The following DOCK10 variants were observed in gnomAD, a reference collection of about 807,000 sequenced individuals.
DOCK10 encodes dedicator of cytokinesis protein 10.
In DOCK10, 145 loss-of-function variants were observed where a neutral mutation model predicts 280.1. The observed-to-expected ratio is 0.52, with a 90% CI of 0.45 to 0.59. DOCK10 has a LOEUF of 0.59. DOCK10 is among the 20% of genes least tolerant of loss of function. The pLI, the probability that DOCK10 is intolerant of heterozygous loss-of-function variation, is 0.00. For synonymous variants in DOCK10, 915 were observed against 942.2 expected, an observed-to-expected ratio of 0.97 and a Z score of 0.53; for missense variants, 2,368 against 2,651.7, an observed-to-expected ratio of 0.89 and a Z score of 2.35.
At chr2:224,876,474 C>A (rs1290754900) in intron 7 of DOCK10, among the ~76,000 whole-genome samples, 3 of 152,160 alleles carry the variant, frequency 2.0e-5, no homozygotes, top group African/African-American at 7.2e-5. Flanking sequence ...TTGAACATTT[C>A]ATCACGGGCA....
intron 19 of DOCK10, among the ~76,000 whole-genome samples, chr2:224,849,212 G>T (rs1696565227): frequency 6.6e-6 from 1 of 152,200 alleles, no homozygotes; most frequent in African/African-American, 2.4e-5. Flanking sequence ...CTGACCTTGT[G>T]ATCCGCCTGC....
Position 224,920,274 on chromosome 2 carries a change from A to G in DOCK10, c.244-3490T>C, listed in dbSNP as rs937296161. On this transcript the variant is annotated intron_variant, in intron 2 of 55. Coordinates refer to ENST00000258390, the MANE Select transcript of DOCK10 (RefSeq NM_014689.3). Reference sequence around the variant, plus strand: ...TTTTTTGTAGAGACAGGGTCTCACCATGTTGTCCAGGATGGTCTCCAGCTC... The same window carrying G: ...TTTTTTGTAGAGACAGGGTCTCACCGTGTTGTCCAGGATGGTCTCCAGCTC... Among the ~76,000 whole-genome samples, 59 of 141,354 alleles carry G rather than the reference A, an allele frequency of 4.2e-4. 1 individual carries two copies. Among genetic ancestry groups the G allele is most frequent in the Non-Finnish European group, 6.8e-4 (45 of 65,998 alleles). The allele number at this position is 141,354 out of a possible 152,430, so 92.7% of individuals were successfully genotyped here.
At chr2:224,800,125 G>T in intron 41 of DOCK10, 26 bp downstream of exon 41, 1 of 1,369,208 alleles carries the variant, frequency 7.3e-7, no homozygotes. Flanking sequence ...ATCATTTTTT[G>T]CAGAAAATGT....
At chr2:224,954,565 G>C (rs987145648) in intron 1 of DOCK10, among the ~76,000 whole-genome samples, 3 of 152,076 alleles carry the variant, frequency 2.0e-5, no homozygotes, top group Non-Finnish European at 4.4e-5. Flanking sequence ...AAATCTCTAA[G>C]GGACAAACAT....
chr2:224,817,855 G>C (rs947051022), intron 29 of DOCK10, among the ~76,000 whole-genome samples: 2 of 152,300 alleles, frequency 1.3e-5, no homozygotes, highest in East Asian at 3.9e-4. Context: ...GACGTGAAAG[G>C]CTGTAAGAAT....
intron 3 of DOCK10, among the ~76,000 whole-genome samples, chr2:224,899,858 C>T (rs1038946285): frequency 1.3e-5 from 2 of 152,122 alleles, no homozygotes; most frequent in Admixed American, 6.5e-5. Context: ...TCTAAGTTAG[C>T]AAAATGAAAA....
chr2:224,991,717 C>G (rs1037151224), intron 1 of DOCK10, among the ~76,000 whole-genome samples: 2 of 151,996 alleles, frequency 1.3e-5, no homozygotes, highest in Non-Finnish European at 2.9e-5. Context: ...AAGGTATGGG[C>G]CACCCACCAA....
In DOCK10 at chr2:224,834,156, G is replaced by T. The variant is rs1574906394; in HGVS notation, c.2958C>A (p.Val986=). 1 of 1,599,532 alleles carries T rather than the reference G, an allele frequency of 6.3e-7. No individual in the cohort carries two copies. Among genetic ancestry groups the T allele is most frequent in the East Asian group, 2.2e-5 (1 of 44,796 alleles). ...KSNDSTTVKH[V]LKHSWFFFAI... ...ACCATCTTTAAATTCTTACCTTTAG[G>T]ACATGCTTTACTGTTGTTGAGTCAT... The change falls in exon 26 of 56, where the codon GTC becomes GTA. Residue 986 remains valine (V), a synonymous_variant. Coordinates refer to ENST00000258390, the MANE Select transcript of DOCK10 (RefSeq NM_014689.3).
intron 4 of DOCK10, among the ~76,000 whole-genome samples, chr2:224,888,709 A>C (rs747212616): frequency 6.6e-6 from 1 of 151,302 alleles, no homozygotes; most frequent in Non-Finnish European, 1.5e-5. Context: ...ATGTGGTGTG[A>C]ATATGTGTAT....
At chr2:224,794,026 A>G (rs1430168327) in intron 45 of DOCK10, among the ~76,000 whole-genome samples, 1 of 152,208 alleles carries the variant, frequency 6.6e-6, no homozygotes, top group East Asian at 1.9e-4. Flanking sequence ...TGCTGAACAC[A>G]TATTAAAACT....
At chr2:224,903,458 A>G (rs13421552) in intron 3 of DOCK10, among the ~76,000 whole-genome samples, 16,709 of 152,192 alleles carry the variant, frequency 0.11, 2,378 homozygotes, top group African/African-American at 0.34. Flanking sequence ...TTGAAAGTGA[A>G]CCAAAATATT....
At chr2:224,857,973 T>A (rs1697255368) in intron 14 of DOCK10, among the ~76,000 whole-genome samples, 1 of 152,162 alleles carries the variant, frequency 6.6e-6, no homozygotes. Flanking sequence ...TCCTTCAACT[T>A]GCCTCCTCAT....
intron 15 of DOCK10, among the ~76,000 whole-genome samples, chr2:224,855,778 A>G (rs1697088128): frequency 6.6e-6 from 1 of 152,224 alleles, no homozygotes; most frequent in Admixed American, 6.5e-5. Flanking sequence ...GGTCAGAGTC[A>G]GCTCTTCTCA....
intron 9 of DOCK10, 123 bp downstream of exon 9, chr2:224,874,543 G>A (rs1029553572): frequency 9.7e-6 from 10 of 1,030,788 alleles, no homozygotes; most frequent in African/African-American, 4.7e-5. Flanking sequence ...ATAGGTTAAC[G>A]GGAAGTTCCA....
chr2:224,978,822 A>G (rs1312779126), intron 1 of DOCK10, among the ~76,000 whole-genome samples: 1 of 152,178 alleles, frequency 6.6e-6, no homozygotes, highest in African/African-American at 2.4e-5. Flanking sequence ...AGGGATTTCA[A>G]ACTCAGCATC....
In DOCK10 at chr2:224,846,604, C is replaced by A. The variant is rs556773645; in HGVS notation, c.2236-962G>T. Among the ~76,000 whole-genome samples the A allele has an allele frequency of 3.7e-4, 56 of 150,428 alleles. 3 individuals carry two copies. In the South Asian group the frequency reaches 0.012, roughly 32 times the overall value. ...CTCCGCTTCCTGGGTTCAAGTGATT[C>A]TCCTGCCTCAGCCTCCCGAGTAGCT... On this transcript the variant is annotated intron_variant, in intron 19 of 55. Coordinates refer to ENST00000258390, the MANE Select transcript of DOCK10 (RefSeq NM_014689.3).
At chr2:224,879,619 A>C (rs1337821640) in intron 7 of DOCK10, among the ~76,000 whole-genome samples, 1 of 152,034 alleles carries the variant, frequency 6.6e-6, no homozygotes, top group Non-Finnish European at 1.5e-5. Flanking sequence ...TTAGCTGGGC[A>C]TGGTGGTGCA....
rs905760241 is a variant in DOCK10, at chr2:224,982,159, A to G, written c.124-50491T>C. ...AAAACCCCTAAATTGTAACCTCTCTATAATAACAGTTCAATCCACTGAGGC... is the reference window on the plus strand; with the variant it reads ...AAAACCCCTAAATTGTAACCTCTCTGTAATAACAGTTCAATCCACTGAGGC... On this transcript the variant is annotated intron_variant, in intron 1 of 55. Transcript: ENST00000258390. 13 of 1,213,672 alleles carry G rather than the reference A, an allele frequency of 1.1e-5. No homozygotes were observed. The Admixed American group carries it at 3.8e-4, about 36-fold the overall frequency. The allele number at this position is 1,213,672 out of a possible 1,614,324, so 75.2% of individuals were successfully genotyped here.
chr2:224,870,608 C>T (rs1698207356), intron 11 of DOCK10, among the ~76,000 whole-genome samples: 1 of 152,078 alleles, frequency 6.6e-6, no homozygotes, highest in African/African-American at 2.4e-5. Flanking sequence ...TTTCATGATA[C>T]AGTATTCCTT....
Sources: allele counts gnomAD v4.1 joint callset (sites outside exome capture counted in the v4.1 genomes callset), GRCh38; gene constraint gnomAD v4.1.1; transcripts MANE v1.5; gene names NCBI Gene and HGNC (gene_info 2026-07-23, HGNC 2026-07-21).